Variants in GLI3 observed in about 807,000 individuals in gnomAD.
GLI3 encodes GLI family zinc finger 3, also known as transcription activator GLI3.
In GLI3, 20 loss-of-function variants were observed where a neutral mutation model predicts 100.8. The observed-to-expected ratio is 0.20, with a 90% CI of 0.14 to 0.29. GLI3 has a LOEUF of 0.29. GLI3 is among the 10% of genes least tolerant of loss of function. The pLI is 1.00. For missense variants in GLI3, 2,040 were observed against 2,128.5 expected (o/e 0.96, Z 0.82); for synonymous variants, 938 against 860.5 (o/e 1.09, Z -1.58).
At chr7:42,066,450 A>G (rs1784676620) in intron 4 of GLI3, among the ~76,000 whole-genome samples, 1 of 152,168 alleles carries the variant, frequency 6.6e-6, no homozygotes, top group Non-Finnish European at 1.5e-5. Context: ...TGTCTGGGTT[A>G]AAAGATGGGG....
intron 2 of GLI3, among the ~76,000 whole-genome samples, chr7:42,159,273 C>T (rs1014970138): frequency 2.6e-5 from 4 of 152,108 alleles, no homozygotes; most frequent in African/African-American, 9.7e-5. Flanking sequence ...TTGAAAGGGG[C>T]ATATGTCCAA....
At chr7:42,204,597 G>T (rs1220857095) in intron 2 of GLI3, among the ~76,000 whole-genome samples, 1 of 152,150 alleles carries the variant, frequency 6.6e-6, no homozygotes, top group Non-Finnish European at 1.5e-5. Context: ...GCCTCAATAA[G>T]TGTTTGTTGA....
chr7:42,099,838 T>C (rs574808216), intron 3 of GLI3, among the ~76,000 whole-genome samples: 1 of 152,362 alleles, frequency 6.6e-6, no homozygotes, highest in South Asian at 2.1e-4. Context: ...GCCATGATAT[T>C]TTAAATATAA....
At chr7:42,042,138 G>C (rs1321825522) in intron 6 of GLI3, among the ~76,000 whole-genome samples, 3 of 149,848 alleles carry the variant, frequency 2.0e-5, no homozygotes, top group Non-Finnish European at 4.4e-5. Flanking sequence ...TTAGCCTCCC[G>C]AGTAGCTGGG....
At chr7:42,081,167 C>CT (rs1188908196) in intron 3 of GLI3, among the ~76,000 whole-genome samples, 1 of 152,118 alleles carries the variant, frequency 6.6e-6, no homozygotes, top group Non-Finnish European at 1.5e-5. Flanking sequence ...TGTCAGCAAA[C>CT]TAACGGGCTA....
intron 1 of GLI3, among the ~76,000 whole-genome samples, chr7:42,261,702 A>G (rs1375451303): frequency 6.6e-6 from 1 of 152,236 alleles, no homozygotes; most frequent in Non-Finnish European, 1.5e-5. Flanking sequence ...TCAGCAAGCC[A>G]TAGACTGCAG....
intron 4 of GLI3, among the ~76,000 whole-genome samples, chr7:42,064,213 T>G (rs1176786283): frequency 6.6e-6 from 1 of 152,148 alleles, no homozygotes; most frequent in Non-Finnish European, 1.5e-5. Context: ...AAATGGCATG[T>G]GGGCATGCAT....
intron 3 of GLI3, among the ~76,000 whole-genome samples, chr7:42,134,279 G>A (rs1392318657): frequency 1.3e-5 from 2 of 151,986 alleles, no homozygotes; most frequent in African/African-American, 2.4e-5. Context: ...TCACCAATGC[G>A]AAATATTAAC....
chr7:42,025,291 G>C lies in GLI3; in HGVS notation c.1329C>G (p.Leu443=), dbSNP rs1421252301. Residue 443 remains leucine, a synonymous_variant, in exon 9 of 15, where the codon CTC becomes CTG. Transcript: ENST00000395925. ...GCTGCCCCCGAGCCCCTGGGCTGGGGAGGTCTTCATCGGGTTTGATCTTGG... is the reference window on the plus strand; with the variant it reads ...GCTGCCCCCGAGCCCCTGGGCTGGGCAGGTCTTCATCGGGTTTGATCTTGG... ...KRSKIKPDED[L]PSPGARGQQE... is the part of the protein sequence containing the mutation. 7 of 1,613,778 alleles carry C rather than the reference G, an allele frequency of 4.3e-6. No homozygotes were observed. Among genetic ancestry groups the C allele is most frequent in the Non-Finnish European group, 5.9e-6 (7 of 1,179,802 alleles).
chr7:42,094,957 G>A (rs867675433), intron 3 of GLI3, among the ~76,000 whole-genome samples: 18 of 152,172 alleles, frequency 1.2e-4, no homozygotes, highest in Non-Finnish European at 2.4e-4. Flanking sequence ...GGAGCAGTGG[G>A]CAGAGGACTA....
chr7:42,170,466 A>C (rs531895630), intron 2 of GLI3, among the ~76,000 whole-genome samples: 2 of 139,510 alleles, frequency 1.4e-5, no homozygotes, highest in South Asian at 4.5e-4. Context: ...GCAGTGGCAC[A>C]ATCTCCGCTC....
At chr7:41,973,879 T>C (rs1340588056) in intron 12 of GLI3, among the ~76,000 whole-genome samples, 7 of 152,210 alleles carry the variant, frequency 4.6e-5, no homozygotes, top group African/African-American at 1.4e-4. Context: ...CCATTAACTA[T>C]GAATTACATC....
chr7:41,986,940 A>C (rs571472939), intron 10 of GLI3, among the ~76,000 whole-genome samples: 2 of 151,338 alleles, frequency 1.3e-5, no homozygotes, highest in East Asian at 3.9e-4. Flanking sequence ...GAATAGGAAG[A>C]AGGTTGAAGG....
At chr7:42,178,819 G>A (rs981840380) in intron 2 of GLI3, among the ~76,000 whole-genome samples, 6 of 152,196 alleles carry the variant, frequency 3.9e-5, no homozygotes, top group African/African-American at 1.4e-4. Flanking sequence ...GGGGTAGGCA[G>A]GAGGCAGGCA....
intron 4 of GLI3, among the ~76,000 whole-genome samples, chr7:42,050,473 T>A (rs1454040127): frequency 1.3e-5 from 2 of 152,244 alleles, no homozygotes. Context: ...TTTAGACGTG[T>A]CCGCCATTGG....
chr7:42,117,648 G>C (rs541237845), intron 3 of GLI3, among the ~76,000 whole-genome samples: 2 of 152,208 alleles, frequency 1.3e-5, no homozygotes, highest in Non-Finnish European at 2.9e-5. Flanking sequence ...TGACTTGTTA[G>C]ATGCCTGCTT....
At chr7:42,020,293 T>C (rs1405625714) in intron 10 of GLI3, among the ~76,000 whole-genome samples, 1 of 152,216 alleles carries the variant, frequency 6.6e-6, no homozygotes, top group Non-Finnish European at 1.5e-5. Flanking sequence ...CAAGTTCAAA[T>C]AACTCTGGAA....
In GLI3 at chr7:42,022,658, T is replaced by C. The variant is rs572314774; in HGVS notation, c.1497+810A>G. 7.0e-4 allele frequency among the ~76,000 whole-genome samples: 107 copies of C among 152,194 alleles called. 1 individual carries two copies. The highest frequency in any genetic ancestry group is 1.5e-3 in the Non-Finnish European group (100 of 68,030). ...ATCTTTTTATTCTCGATCATCTAAA[T>C]GCCCTCCACGTCAGCCAATCCTGGT... On this transcript the variant is annotated intron_variant, in intron 10 of 14. Transcript: ENST00000395925.
intron 2 of GLI3, among the ~76,000 whole-genome samples, chr7:42,150,440 C>T (rs1358083886): frequency 1.3e-5 from 2 of 152,156 alleles, no homozygotes; most frequent in Non-Finnish European, 1.5e-5. Flanking sequence ...AACACTAAAA[C>T]TTATGTCAGT....
Sources: allele counts gnomAD v4.1 joint callset (sites outside exome capture counted in the v4.1 genomes callset), GRCh38; gene constraint gnomAD v4.1.1; transcripts MANE v1.5; gene names NCBI Gene and HGNC (gene_info 2026-07-23, HGNC 2026-07-21).